The following VPS13C variants were observed in gnomAD, a reference collection of about 807,000 sequenced individuals.
VPS13C encodes the protein intermembrane lipid transfer protein VPS13C.
Under a neutral mutation model 456.8 loss-of-function variants are expected in VPS13C, and 358 were observed. The ratio of observed to expected loss-of-function variants is 0.78; its 90% CI spans 0.72 to 0.86. VPS13C has a LOEUF of 0.86. VPS13C is among the 40% of genes least tolerant of loss of function. VPS13C has a pLI of 0.00. For synonymous variants in VPS13C, 1,578 were observed against 1,486.7 expected (o/e 1.06, Z -1.41); for missense variants, 4,818 against 4,385.4 (o/e 1.10, Z -2.79).
Position 61,867,754 on chromosome 15 carries a change from C to T in VPS13C, c.10863+905G>A, listed in dbSNP as rs551723064. On this transcript the variant is annotated intron_variant, in intron 81 of 84. Coordinates refer to ENST00000644861, the MANE Select transcript of VPS13C (RefSeq NM_020821.3). The surrounding 1 kb of genome is among the most constrained non-coding windows in gnomAD (Gnocchi z 5.0). ...TTTCTGGACAGTATTACCAGGAATA[C>T]CACAAGTTTTTATTTGTAGTCAATC... 7 of 1,472,006 alleles carry T rather than the reference C, an allele frequency of 4.8e-6. No individual in the cohort carries two copies. The East Asian group carries it at 1.6e-4, about 33-fold the overall frequency. 91.2% of individuals were successfully genotyped at this position (1,472,006 alleles called of 1,614,324 possible). A position where few individuals can be genotyped will look rare whatever the true frequency, so the allele number is the denominator to read the frequency against.
In VPS13C at chr15:61,858,315, C is replaced by CAACT. The variant is rs1367801680; in HGVS notation, c.10953-1910_10953-1907dup. The stretch of plus-strand genomic sequence containing the variant: ...CAACTCGAGATTTTTATCCAAACTC[C>CAACT]AACTATCTATCTATCTATCTATCTA... On this transcript the variant is annotated intron_variant, in intron 82 of 84. Coordinates refer to ENST00000644861, the MANE Select transcript of VPS13C (RefSeq NM_020821.3). The surrounding 1 kb of genome is among the most constrained non-coding windows in gnomAD (Gnocchi z 4.4). 7.6e-6 allele frequency among the ~76,000 whole-genome samples: 1 copy of CAACT among 132,420 alleles called. No individual in the cohort carries two copies. Among genetic ancestry groups the CAACT allele is most frequent in the African/African-American group, 2.8e-5 (1 of 35,582 alleles). 86.9% of individuals were successfully genotyped at this position (132,420 alleles called of 152,430 possible). A position where few individuals can be genotyped will look rare whatever the true frequency, so the allele number is the denominator to read the frequency against.
chr15:61,988,218 G>C (rs924556782), intron 18 of VPS13C, among the ~76,000 whole-genome samples: 1 of 152,182 alleles, frequency 6.6e-6, no homozygotes, highest in Non-Finnish European at 1.5e-5. Context: ...TGACTGGAAA[G>C]GGTTACAAGG....
In VPS13C at chr15:61,969,295, T is replaced by C; in HGVS notation, c.2911+4A>G. 6.3e-7 allele frequency: 1 copy of C among 1,582,826 alleles called. No individual in the cohort carries two copies. The highest frequency in any genetic ancestry group is 8.6e-7 in the Non-Finnish European group (1 of 1,163,436). On this transcript the variant is annotated splice_donor_region_variant and intron_variant, in intron 28 of 84. Transcript: ENST00000644861. ...GCTATTATTTCTATTTTTATGGGTATTACCTTCAATTTCATGATAATCCAA... is the reference window on the plus strand; with the variant it reads ...GCTATTATTTCTATTTTTATGGGTACTACCTTCAATTTCATGATAATCCAA...
intron 69 of VPS13C, among the ~76,000 whole-genome samples, chr15:61,882,389 A>C (rs1255725334): frequency 1.3e-5 from 2 of 152,192 alleles, no homozygotes; most frequent in Non-Finnish European, 2.9e-5. Flanking sequence ...ACCCTTTTGC[A>C]GGCTAATCGA....
At chr15:61,987,182 G>A (rs1212147230) in intron 18 of VPS13C, among the ~76,000 whole-genome samples, 2 of 150,448 alleles carry the variant, frequency 1.3e-5, no homozygotes, top group South Asian at 2.1e-4. Context: ...ATATATAAGT[G>A]GAAAAGGCCT....
intron 66 of VPS13C, among the ~76,000 whole-genome samples, chr15:61,906,475 T>C (rs1431952026): frequency 6.6e-6 from 1 of 152,204 alleles, no homozygotes; most frequent in Non-Finnish European, 1.5e-5. Context: ...AGTATCTACA[T>C]GCTACTTACT....
At chr15:62,031,692 T>C (rs955740038) in intron 5 of VPS13C, among the ~76,000 whole-genome samples, 3 of 151,974 alleles carry the variant, frequency 2.0e-5, no homozygotes, top group Non-Finnish European at 4.4e-5. Context: ...TTCAAGAAGC[T>C]ACAATGTCAT....
chr15:62,034,864 T>C lies in VPS13C; in HGVS notation c.283+93A>G, dbSNP rs957831989. On this transcript the variant is annotated intron_variant, in intron 4 of 84. Coordinates refer to ENST00000644861, the MANE Select transcript of VPS13C (RefSeq NM_020821.3). ...ATTCATTTATTTAAATTACCTTCTATCTTAATAAATAAATGTATTAAAATA... is the reference window on the plus strand; with the variant it reads ...ATTCATTTATTTAAATTACCTTCTACCTTAATAAATAAATGTATTAAAATA... 4.9e-6 allele frequency: 4 copies of C among 813,706 alleles called. No individual in the cohort carries two copies. The African/African-American group carries it at 7.1e-5, about 14-fold the overall frequency. The allele number at this position is 813,706 out of a possible 1,614,324, so 50.4% of individuals were successfully genotyped here.
intron 46 of VPS13C, among the ~76,000 whole-genome samples, chr15:61,941,109 C>A (rs2044406336): frequency 6.6e-6 from 1 of 152,152 alleles, no homozygotes; most frequent in Non-Finnish European, 1.5e-5. Flanking sequence ...TACTGTCATG[C>A]AAACAAATGT....
intron 18 of VPS13C, among the ~76,000 whole-genome samples, chr15:61,989,860 A>G (rs1443123355): frequency 2.6e-5 from 4 of 152,168 alleles, no homozygotes. Flanking sequence ...TCCACATTGG[A>G]AAACTATTTA....
Position 62,041,359 on chromosome 15 carries a change from A to C in VPS13C, c.152T>G (p.Leu51Trp). 6.2e-7 allele frequency: 1 copy of C among 1,605,882 alleles called. No individual in the cohort carries two copies. Among genetic ancestry groups the C allele is most frequent in the South Asian group, 1.1e-5 (1 of 88,838 alleles). Residue 51 changes from leucine (L) to tryptophan (W), a missense_variant, in exon 3 of 85, where the codon TTG becomes TGG. By Grantham distance (61) the Leu-to-Trp change is moderately conservative (BLOSUM62 -2). This residue lies in a region of VPS13C where 4,552 missense variants were observed against 4,130.6 expected (regional missense o/e 1.10). Coordinates refer to ENST00000644861, the MANE Select transcript of VPS13C (RefSeq NM_020821.3). Reference sequence around the variant, plus strand: ...AGCCTTGACTTTAAAAGGAACATCCAATTCACTCTTCAGAAGAAAGAGAAA... The same window carrying C: ...AGCCTTGACTTTAAAAGGAACATCCCATTCACTCTTCAGAAGAAAGAGAAA... ...LQIKENALSE[L>W]DVPFKVKAGQ...
intron 66 of VPS13C, among the ~76,000 whole-genome samples, chr15:61,901,074 T>C (rs2042981732): frequency 6.6e-6 from 1 of 151,682 alleles, no homozygotes; most frequent in Admixed American, 6.6e-5. Context: ...AAGCTGAAAC[T>C]GGATCCCTTC....
At chr15:61,875,071 T>A in intron 76 of VPS13C, 120 bp from the exon 77 acceptor site, 1 of 846,352 alleles carries the variant, frequency 1.2e-6, no homozygotes, top group South Asian at 2.8e-5. Flanking sequence ...AACATTGTGA[T>A]GAATCAATTT....
intron 48 of VPS13C, 64 bp from the exon 49 acceptor site, chr15:61,934,395 A>G: frequency 1.2e-6 from 1 of 857,828 alleles, no homozygotes; most frequent in Non-Finnish European, 1.7e-6. Context: ...TTTAAATATG[A>G]GATAATTTCT....
intron 20 of VPS13C, 135 bp from the exon 21 acceptor site, chr15:61,982,708 T>C: frequency 1.7e-6 from 1 of 584,182 alleles, no homozygotes; most frequent in Non-Finnish European, 2.9e-6. Flanking sequence ...TCCTACTACA[T>C]CTCCCTTTGG....
chr15:61,984,576 AACTT>A (rs1223338334), intron 19 of VPS13C, among the ~76,000 whole-genome samples: 5 of 152,206 alleles, frequency 3.3e-5, no homozygotes, highest in Non-Finnish European at 5.9e-5. Context: ...TGAAAACAAA[AACTT>A]ACTGTACTTG....
chr15:61,964,089 C>T (rs2045303807), intron 31 of VPS13C, 138 bp from the exon 32 acceptor site: 2 of 528,836 alleles, frequency 3.8e-6, no homozygotes, highest in Non-Finnish European at 6.5e-6. Context: ...AAGATTCAAA[C>T]ACTTTTTTTG....
intron 66 of VPS13C, among the ~76,000 whole-genome samples, chr15:61,898,414 C>A (rs2042898283): frequency 6.6e-6 from 1 of 151,276 alleles, no homozygotes. Context: ...GAAAATCTAC[C>A]AAGCAAATGG....
intron 1 of VPS13C, among the ~76,000 whole-genome samples, chr15:62,051,789 G>C (rs1160013336): frequency 6.6e-6 from 1 of 152,194 alleles, no homozygotes; most frequent in Non-Finnish European, 1.5e-5. Context: ...AGCATAACCA[G>C]AAGAAAACGT....
Sources: gnomAD v4.1 joint callset for allele counts (sites outside exome capture counted in the v4.1 genomes callset) on GRCh38, gnomAD v4.1.1 for gene constraint, gnomAD v4.1.1 regional missense constraint, Gnocchi (gnomAD v3.1) non-coding constraint, MANE v1.5 for transcripts, NCBI Gene and HGNC (gene_info 2026-07-23, HGNC 2026-07-21) for gene names.